The following USP36 variants were observed in gnomAD, a reference collection of about 807,000 sequenced individuals.
The protein encoded by USP36 is ubiquitin carboxyl-terminal hydrolase 36.
In USP36, 59 loss-of-function variants were observed where a neutral mutation model predicts 111.5. That is an observed-to-expected ratio of 0.53 (90% CI 0.43 to 0.66). The LOEUF (loss-of-function observed/expected upper bound fraction) is 0.66, where lower values mean the gene tolerates loss of function less well. Ranked by LOEUF, USP36 falls within the 30% of genes least tolerant of loss-of-function variation. The pLI, the probability that USP36 is intolerant of heterozygous loss-of-function variation, is 0.00. For synonymous variants in USP36, 628 were observed against 581.0 expected, an observed-to-expected ratio of 1.08 and a Z score of -1.16; for missense variants, 1,488 against 1,468.0, an observed-to-expected ratio of 1.01 and a Z score of -0.22.
chr17:78,799,724 A>C lies in USP36; in HGVS notation c.3067T>G (p.Ser1023Ala), dbSNP rs1286747456. ...TTGAGCAGTTCCTGGACCACATCAGACTCCCGCTCTCCATTCCAAGACACA... is the reference window on the plus strand; with the variant it reads ...TTGAGCAGTTCCTGGACCACATCAGCCTCCCGCTCTCCATTCCAAGACACA... Reference protein sequence around the residue: ...PPVSWNGERESDVVQELLKYS... With the variant: ...PPVSWNGEREADVVQELLKYS... The change falls in exon 18 of 21, where the codon TCT (serine) becomes GCT (alanine). Residue 1023 changes from serine (S) to alanine (A), a missense_variant. Transcript: ENST00000449938. 1 of 1,611,262 alleles carries C rather than the reference A, an allele frequency of 6.2e-7. No homozygotes were observed. The highest frequency in any genetic ancestry group is 8.5e-7 in the Non-Finnish European group (1 of 1,179,090).
chr17:78,823,022 C>T (rs2094367860), intron 6 of USP36: 1 of 398,322 alleles, frequency 2.5e-6, no homozygotes. Flanking sequence ...TTCCCACGGC[C>T]ACCCAGACCA....
chr17:78,806,903 A>G (rs2093916995), intron 14 of USP36, 56 bp downstream of exon 14: 1 of 1,581,636 alleles, frequency 6.3e-7, no homozygotes, highest in South Asian at 1.2e-5. Context: ...ACCACAACCA[A>G]GCAACTCTTG....
chr17:78,822,373 G>A (rs1271327290), intron 6 of USP36, among the ~76,000 whole-genome samples: 2 of 152,232 alleles, frequency 1.3e-5, no homozygotes, highest in East Asian at 1.9e-4. Flanking sequence ...AGAGTGAGGC[G>A]GGAGGCCAAA....
intron 4 of USP36, among the ~76,000 whole-genome samples, chr17:78,834,997 G>GTGTGTATATATA (rs968867639): frequency 1.4e-5 from 2 of 141,392 alleles, no homozygotes; most frequent in Admixed American, 6.9e-5. Context: ...AATAATATTT[G>GTGTGTATATATA]TATATATATA....
intron 8 of USP36, among the ~76,000 whole-genome samples, chr17:78,820,303 T>C (rs1335967878): frequency 6.6e-6 from 1 of 152,110 alleles, no homozygotes. Flanking sequence ...GCAAGACCCC[T>C]GTCTCTGCAA....
At position 78,827,720 on chromosome 17, in the gene USP36, T is replaced by C. The variant is rs150184807; in HGVS notation, c.587-373A>G. Among the ~76,000 whole-genome samples, 54 of 152,162 alleles carry C rather than the reference T, an allele frequency of 3.5e-4. No homozygotes were observed. In the East Asian group the frequency reaches 8.7e-3, roughly 25 times the overall value. ...GAGTTCGAGGGCAGCCTGGGTAACA[T>C]AGGGAGACTTCATCTCTACCAAAAT... On this transcript the variant is annotated intron_variant, in intron 5 of 20. Coordinates refer to ENST00000449938, the MANE Select transcript of USP36 (RefSeq NM_001385174.1).
chr17:78,789,656 G>T (rs2093566168), intron 3 of USP36, among the ~76,000 whole-genome samples: 2 of 152,198 alleles, frequency 1.3e-5, no homozygotes, highest in Non-Finnish European at 2.9e-5. Context: ...GTGTGTAAAT[G>T]ACACTTAAAA....
chr17:78,834,692 C>A (rs1258065953), intron 4 of USP36, among the ~76,000 whole-genome samples: 1 of 152,158 alleles, frequency 6.6e-6, no homozygotes, highest in Non-Finnish European at 1.5e-5. Context: ...ATCTGCCCAC[C>A]TCTGCCTCCC....
downstream of USP36, among the ~76,000 whole-genome samples, chr17:78,795,352 C>G (rs1207102782): frequency 1.3e-5 from 2 of 152,362 alleles, no homozygotes; most frequent in African/African-American, 4.8e-5. The surrounding 1 kb of genome is among the most constrained non-coding windows in gnomAD (Gnocchi z 4.5). Flanking sequence ...AGAAAGCTTA[C>G]TTCCAAGTTG....
intron 13 of USP36, among the ~76,000 whole-genome samples, chr17:78,808,732 T>C (rs1326455868): frequency 6.6e-6 from 1 of 152,142 alleles, no homozygotes; most frequent in African/African-American, 2.4e-5. Flanking sequence ...AAATAACTTA[T>C]TATTCTGTAT....
chr17:78,820,030 A>G lies in USP36; in HGVS notation c.829-18T>C, dbSNP rs2094280892. 24 of 1,613,682 alleles carry G rather than the reference A, an allele frequency of 1.5e-5. No individual in the cohort carries two copies. Among genetic ancestry groups the G allele is most frequent in the Non-Finnish European group, 1.9e-5 (23 of 1,179,692 alleles). On this transcript the variant is annotated intron_variant, in intron 8 of 20. Coordinates refer to ENST00000449938, the MANE Select transcript of USP36 (RefSeq NM_001385174.1). ...GCAGCTTGCTGAGGAGGACAAAAAC[A>G]GGGAGTAAAATACACAGCAGAGGAA...
rs763859717 is a variant in USP36 at position 78,807,619 on chromosome 17, C to T, written c.1425G>A (p.Thr475=). The T allele has an allele frequency of 6.5e-6, 10 of 1,533,944 alleles. No individual in the cohort carries two copies. Among genetic ancestry groups the T allele is most frequent in the South Asian group, 2.6e-5 (2 of 78,122 alleles). ...PLTGKRQDSG[T]MKKPHTTEEI... is the part of the protein sequence containing the mutation. ...CTTCAGTGGTGTGCGGCTTCTTCAT[C>T]GTCCCAGAGTCTTGTCGCTAAGGAG... Residue 475 remains threonine, a synonymous_variant, in exon 14 of 21, where the codon ACG becomes ACA. Coordinates refer to ENST00000449938, the MANE Select transcript of USP36 (RefSeq NM_001385174.1).
intron 13 of USP36, 78 bp from the exon 14 acceptor site, chr17:78,807,714 G>A (rs2145135111): frequency 1.4e-6 from 2 of 1,387,672 alleles, no homozygotes; most frequent in East Asian, 2.4e-5. Flanking sequence ...AGGCCACAGT[G>A]AATCTTAGTA....
chr17:78,788,317 AC>A (rs1277596149), intron 3 of USP36, among the ~76,000 whole-genome samples: 1 of 151,980 alleles, frequency 6.6e-6, no homozygotes, highest in Non-Finnish European at 1.5e-5. Flanking sequence ...GGTATGCGCC[AC>A]CACGCCCAGC....
At chr17:78,836,798 G>GACACGC (rs1555643195) in intron 2 of USP36, among the ~76,000 whole-genome samples, 3 of 145,720 alleles carry the variant, frequency 2.1e-5, no homozygotes, top group Non-Finnish European at 4.5e-5. Context: ...TACACACACG[G>GACACGC]ACACACACAC....
At chr17:78,805,189 AC>A (rs1477317149) in intron 15 of USP36, among the ~76,000 whole-genome samples, 9 of 151,668 alleles carry the variant, frequency 5.9e-5, no homozygotes, top group Non-Finnish European at 1.3e-4. Context: ...AGAAAACAGG[AC>A]CCCCGTCATC....
intron 6 of USP36, among the ~76,000 whole-genome samples, chr17:78,823,992 C>G (rs986021585): frequency 5.3e-5 from 8 of 152,220 alleles, no homozygotes; most frequent in Non-Finnish European, 4.4e-5. Flanking sequence ...GGGATGCAAA[C>G]TAGCTCCAGA....
chr17:78,832,721 A>G (rs544814354), intron 4 of USP36, among the ~76,000 whole-genome samples: 2 of 152,350 alleles, frequency 1.3e-5, no homozygotes, highest in African/African-American at 4.8e-5. Context: ...GGCCTGGGAT[A>G]GCAGAGTCTT....
intron 10 of USP36, among the ~76,000 whole-genome samples, chr17:78,818,362 T>C (rs1442645089): frequency 6.6e-6 from 1 of 152,162 alleles, no homozygotes; most frequent in Admixed American, 6.5e-5. Flanking sequence ...TTCAGGGATT[T>C]TGCAAAAATG....
Sources: gnomAD v4.1 joint callset for allele counts (sites outside exome capture counted in the v4.1 genomes callset) on GRCh38, gnomAD v4.1.1 for gene constraint, Gnocchi (gnomAD v3.1) non-coding constraint, MANE v1.5 for transcripts, NCBI Gene and HGNC (gene_info 2026-07-23, HGNC 2026-07-21) for gene names.